Variants in LPXN observed in about 807,000 individuals in gnomAD.
The protein encoded by LPXN is leupaxin.
Under a neutral mutation model 45.6 loss-of-function variants are expected in LPXN, and 28 were observed. That is an observed-to-expected ratio of 0.61 (90% CI 0.45 to 0.84). The LOEUF is 0.84. Among genes scored for constraint, LPXN ranks in the 40% least tolerant of loss-of-function variants. The pLI, the probability that LPXN is intolerant of heterozygous loss-of-function variation, is 0.00. For synonymous variants in LPXN, 166 were observed against 169.9 expected, an observed-to-expected ratio of 0.98 and a Z score of 0.18; for missense variants, 459 against 475.0, an observed-to-expected ratio of 0.97 and a Z score of 0.31.
At chr11:58,542,030 A>G (rs1176019504) in intron 7 of LPXN, among the ~76,000 whole-genome samples, 12 of 143,108 alleles carry the variant, frequency 8.4e-5, no homozygotes, top group Admixed American at 6.9e-4. Flanking sequence ...TCACACTCTG[A>G]GGACTGTTGT....
intron 3 of LPXN, among the ~76,000 whole-genome samples, chr11:58,556,541 T>C (rs2120352999): frequency 6.6e-6 from 1 of 152,146 alleles, no homozygotes; most frequent in South Asian, 2.1e-4. Flanking sequence ...ATAAGAGAAT[T>C]ATATATTTGA....
chr11:58,573,237 A>G (rs1478301133), intron 1 of LPXN, among the ~76,000 whole-genome samples: 1 of 142,802 alleles, frequency 7.0e-6, no homozygotes, highest in African/African-American at 2.8e-5. Context: ...CAAGAGCAAA[A>G]CTCCGTCTCA....
At chr11:58,576,966 T>A (rs958009567), upstream of LPXN, among the ~76,000 whole-genome samples, 2 of 152,138 alleles carry the variant, frequency 1.3e-5, no homozygotes, top group East Asian at 3.8e-4. Context: ...TTTATTTTTA[T>A]TTTTTATGTA....
At chr11:58,531,770 G>T (rs867951652) in intron 7 of LPXN, among the ~76,000 whole-genome samples, 70 of 152,198 alleles carry the variant, frequency 4.6e-4, no homozygotes, top group Non-Finnish European at 1.6e-4. Flanking sequence ...ATTCACCAAG[G>T]TTGAAATTGA....
At position 58,551,234 on chromosome 11, in the gene LPXN, T is replaced by G. The variant is rs1174232482; in HGVS notation, c.319-2A>C. 1 of 1,600,796 alleles carries G rather than the reference T, an allele frequency of 6.2e-7. No homozygotes were observed. The highest frequency in any genetic ancestry group is 8.5e-7 in the Non-Finnish European group (1 of 1,174,604). On this transcript the variant is annotated splice_acceptor_variant, in intron 4 of 8. Transcript: ENST00000395074. LOFTEE classifies it high-confidence loss of function. ...GCCAGCATCTGCTCTCACTGCAACC[T>G]GGCCCAAGGGAAGAACCAAGAACAG...
At chr11:58,570,228 G>C (rs1854645345) in intron 2 of LPXN, among the ~76,000 whole-genome samples, 1 of 151,460 alleles carries the variant, frequency 6.6e-6, no homozygotes, top group Non-Finnish European at 1.5e-5. Flanking sequence ...GCTTGAACCT[G>C]GGAGGTGAAG....
chr11:58,578,024 G>T (rs1440638277), upstream of LPXN: 3 of 1,551,056 alleles, frequency 1.9e-6, no homozygotes, highest in African/African-American at 4.1e-5. Flanking sequence ...CACACCGGAA[G>T]ACGAGATCAA....
intron 4 of LPXN, among the ~76,000 whole-genome samples, chr11:58,551,906 C>T (rs1854062625): frequency 6.6e-6 from 1 of 151,948 alleles, no homozygotes; most frequent in Admixed American, 6.6e-5. Context: ...AGGGAAGGCC[C>T]CGAGGAATAA....
At position 58,549,805 on chromosome 11, in the gene LPXN, T is replaced by C. The variant is rs748944524; in HGVS notation, c.723A>G (p.Gly241=). 5 of 1,613,992 alleles carry C rather than the reference T, an allele frequency of 3.1e-6. No homozygotes were observed. Among genetic ancestry groups the C allele is most frequent in the Non-Finnish European group, 4.2e-6 (5 of 1,180,016 alleles). ...TCATACCTTCTGCACCAAACACCTC[T>C]CCGCAGTGAGAGCAGAAGAAGTGCT... ...HPEHFFCSHC[G]EVFGAEGFHE... The change falls in exon 7 of 9, where the codon GGA becomes GGG. Residue 241 remains glycine, a synonymous_variant. Transcript: ENST00000395074.
intron 4 of LPXN, among the ~76,000 whole-genome samples, chr11:58,551,949 A>G (rs1854064276): frequency 6.6e-6 from 1 of 152,204 alleles, no homozygotes; most frequent in Non-Finnish European, 1.5e-5. Flanking sequence ...AAAGTCAAAG[A>G]GGTCAGTGGG....
At chr11:58,553,173 TA>T (rs2120351101) in intron 4 of LPXN, among the ~76,000 whole-genome samples, 2 of 151,956 alleles carry the variant, frequency 1.3e-5, no homozygotes, top group South Asian at 4.2e-4. Flanking sequence ...TCGTCTCTAC[TA>T]AAAATACAAA....
At chr11:58,575,633 A>T in intron 1 of LPXN, 127 bp downstream of exon 1, 1 of 1,085,356 alleles carries the variant, frequency 9.2e-7, no homozygotes, top group Non-Finnish European at 1.4e-6. Context: ...GGCTGAGGAC[A>T]GGAAAGAAGT....
intron 7 of LPXN, among the ~76,000 whole-genome samples, chr11:58,538,066 T>A (rs551110926): frequency 1.7e-4 from 26 of 152,092 alleles, no homozygotes; most frequent in African/African-American, 6.0e-4. Flanking sequence ...AATGATGATT[T>A]CCAATTTCAT....
At chr11:58,547,097 C>G (rs957056124) in intron 7 of LPXN, among the ~76,000 whole-genome samples, 1 of 152,140 alleles carries the variant, frequency 6.6e-6, no homozygotes, top group African/African-American at 2.4e-5. Context: ...AGAGTTACCC[C>G]TGGAAAAAGT....
At chr11:58,535,041 A>C (rs970327853) in intron 7 of LPXN, among the ~76,000 whole-genome samples, 1 of 151,978 alleles carries the variant, frequency 6.6e-6, no homozygotes, top group Non-Finnish European at 1.5e-5. Flanking sequence ...CCTACCGACC[A>C]AAAAAAAGTC....
intron 3 of LPXN, among the ~76,000 whole-genome samples, chr11:58,555,846 TAA>T (rs1251200563): frequency 6.6e-6 from 1 of 151,728 alleles, no homozygotes; most frequent in African/African-American, 2.4e-5. Flanking sequence ...TAAATAGACT[TAA>T]GTGTGATATT....
Position 58,534,088 on chromosome 11 carries a change from C to A in LPXN, c.743-5897G>T, listed in dbSNP as rs1259805811. ...ACAATAATAGTGGGAGACTTTAACA[C>A]CCCACTGTCAATATTAGACAGATCA... On this transcript the variant is annotated intron_variant, in intron 7 of 8. Transcript: ENST00000395074. Among the ~76,000 whole-genome samples the A allele has an allele frequency of 3.3e-5, 5 of 152,096 alleles. No individual in the cohort carries two copies. The East Asian group carries it at 7.7e-4, about 23-fold the overall frequency.
intron 1 of LPXN, among the ~76,000 whole-genome samples, chr11:58,573,909 A>C (rs1400438971): frequency 1.3e-5 from 2 of 152,170 alleles, no homozygotes; most frequent in African/African-American, 4.8e-5. Flanking sequence ...TTTATCTATC[A>C]TGCCTAATGC....
Position 58,527,278 on chromosome 11 carries a change from A to G in LPXN, c.*176T>C, listed in dbSNP as rs1853251982. Reference sequence around the variant, plus strand: ...AGAATTAACTGTATAGAAGCCTAAAAAATAAGATTATCAGCCTAGTCATGT... The same window carrying G: ...AGAATTAACTGTATAGAAGCCTAAAGAATAAGATTATCAGCCTAGTCATGT... On this transcript the variant is annotated 3_prime_UTR_variant, in exon 9 of 9. Transcript: ENST00000395074. 1.6e-6 allele frequency: 1 copy of G among 625,640 alleles called. No homozygotes were observed. Among genetic ancestry groups the G allele is most frequent in the African/African-American group, 1.8e-5 (1 of 54,404 alleles). The allele number at this position is 625,640 out of a possible 1,614,324, so 38.8% of individuals were successfully genotyped here.
Sources: gnomAD v4.1 joint callset for allele counts (sites outside exome capture counted in the v4.1 genomes callset) on GRCh38, gnomAD v4.1.1 for gene constraint, MANE v1.5 for transcripts, NCBI Gene and HGNC (gene_info 2026-07-23, HGNC 2026-07-21) for gene names.